KSR1: variants seen among roughly 807,000 people sequenced by gnomAD.
The protein encoded by KSR1 is kinase suppressor of ras.
In KSR1, 35 loss-of-function variants were observed where a neutral mutation model predicts 92.9. The ratio of observed to expected loss-of-function variants is 0.38; its 90% CI spans 0.29 to 0.50. The LOEUF (loss-of-function observed/expected upper bound fraction) is 0.50, where lower values mean the gene tolerates loss of function less well. Ranked by LOEUF, KSR1 falls within the 20% of genes least tolerant of loss-of-function variation. The probability of loss-of-function intolerance (pLI) is 0.94; values close to 1 mark genes in which losing one functional copy is unlikely to be tolerated. For synonymous variants in KSR1, 467 were observed against 472.6 expected (o/e 0.99, Z 0.15); for missense variants, 972 against 1,158.5 (o/e 0.84, Z 2.34).
At chr17:27,563,654 T>C (rs1247410951) in intron 2 of KSR1, among the ~76,000 whole-genome samples, 1 of 152,240 alleles carries the variant, frequency 6.6e-6, no homozygotes, top group Non-Finnish European at 1.5e-5. Context: ...GTATTCAGTA[T>C]CTGCCACCTT....
intron 11 of KSR1, chr17:27,602,107 C>T (rs1357005154): frequency 8.1e-6 from 5 of 620,776 alleles, no homozygotes; most frequent in Admixed American, 3.1e-5. Flanking sequence ...AAAACAAAGA[C>T]TGTAGCTGTT....
chr17:27,569,707 T>C (rs1274861628), intron 2 of KSR1, among the ~76,000 whole-genome samples: 1 of 152,234 alleles, frequency 6.6e-6, no homozygotes, highest in Non-Finnish European at 1.5e-5. Flanking sequence ...GCCACACCCA[T>C]TTGTGTACGT....
intron 1 of KSR1, among the ~76,000 whole-genome samples, chr17:27,513,108 C>T (rs1399183509): frequency 6.6e-6 from 1 of 152,168 alleles, no homozygotes; most frequent in Non-Finnish European, 1.5e-5. Context: ...GATAATCATG[C>T]TGTATATATT....
intron 1 of KSR1, among the ~76,000 whole-genome samples, chr17:27,510,178 A>G (rs986560774): frequency 1.3e-5 from 2 of 152,066 alleles, no homozygotes; most frequent in Admixed American, 6.5e-5. Flanking sequence ...TGGACTTCTG[A>G]TCCTTTCTTC....
At chr17:27,497,151 A>G (rs951734828) in intron 1 of KSR1, among the ~76,000 whole-genome samples, 3 of 152,198 alleles carry the variant, frequency 2.0e-5, no homozygotes, top group Admixed American at 6.5e-5. Context: ...TCTTTGCGAT[A>G]TGAGACAGCA....
chr17:27,549,243 G>A (rs76288847), intron 1 of KSR1, among the ~76,000 whole-genome samples: 2 of 152,316 alleles, frequency 1.3e-5, no homozygotes, highest in Non-Finnish European at 2.9e-5. Flanking sequence ...ATTTTGGGGG[G>A]ACACTTGGAA....
chr17:27,486,292 C>T (rs2068662773), intron 1 of KSR1, among the ~76,000 whole-genome samples: 1 of 152,182 alleles, frequency 6.6e-6, no homozygotes, highest in African/African-American at 2.4e-5. Context: ...GCTCCGGGTA[C>T]CCACCGTTGT....
intron 1 of KSR1, among the ~76,000 whole-genome samples, chr17:27,467,813 GTT>G (rs200085439): frequency 3.6e-5 from 5 of 139,382 alleles, no homozygotes; most frequent in Admixed American, 1.4e-4. Context: ...TTTATGTTTT[GTT>G]TTTTTTTTTT....
At chr17:27,566,351 C>A in intron 2 of KSR1, 1 of 397,894 alleles carries the variant, frequency 2.5e-6, no homozygotes, top group East Asian at 3.6e-5. Context: ...AGTGACTGTT[C>A]ACTACAGTCA....
At chr17:27,468,971 TC>T (rs2019840006) in intron 1 of KSR1, among the ~76,000 whole-genome samples, 1 of 152,158 alleles carries the variant, frequency 6.6e-6, no homozygotes, top group Admixed American at 6.5e-5. Flanking sequence ...TAGTGTCTCT[TC>T]CCTTCCTTTT....
chr17:27,555,509 G>GGTGT (rs1248634055), intron 2 of KSR1, among the ~76,000 whole-genome samples: 26 of 84,330 alleles, frequency 3.1e-4, no homozygotes, highest in East Asian at 2.7e-3. Flanking sequence ...AGTTTTGTTT[G>GGTGT]GCGTGTGTGT....
chr17:27,589,938 A>G (rs1348102588), intron 6 of KSR1, among the ~76,000 whole-genome samples: 1 of 152,216 alleles, frequency 6.6e-6, no homozygotes, highest in Non-Finnish European at 1.5e-5. Flanking sequence ...ATATGTATAT[A>G]TGTTTCCTCC....
At position 27,456,455 on chromosome 17, in the gene KSR1, C is replaced by T. The variant is rs2019161331; in HGVS notation, c.-189C>T. On this transcript the variant is annotated 5_prime_UTR_variant, in exon 1 of 21. Coordinates refer to ENST00000644974, the MANE Select transcript of KSR1 (RefSeq NM_001394583.1). ...GGGAGCCGCAGCCGTCGGGTCGCCG[C>T]GGCTTTCGCTTTGCTGCCGCGGCTG... 2 of 380,998 alleles carry T rather than the reference C, an allele frequency of 5.2e-6. No individual in the cohort carries two copies. Among genetic ancestry groups the T allele is most frequent in the Middle Eastern group, 6.9e-4 (1 of 1,440 alleles). 23.6% of individuals were successfully genotyped at this position (380,998 alleles called of 1,614,324 possible).
chr17:27,622,065 G>A (rs1324253726), intron 20 of KSR1: 9 of 843,840 alleles, frequency 1.1e-5, no homozygotes, highest in African/African-American at 3.3e-5. Context: ...TGCTCCAGTC[G>A]TCTCTCTCGA....
chr17:27,544,365 T>TTA (rs1172452000), intron 1 of KSR1, among the ~76,000 whole-genome samples: 1 of 152,196 alleles, frequency 6.6e-6, no homozygotes, highest in African/African-American at 2.4e-5. Context: ...GATACTCTTT[T>TTA]TATAGGTGGT....
chr17:27,598,597 C>G (rs2073430839), intron 10 of KSR1, among the ~76,000 whole-genome samples: 1 of 152,224 alleles, frequency 6.6e-6, no homozygotes, highest in Non-Finnish European at 1.5e-5. Context: ...TTTGATTAAC[C>G]TCCTCTCCCA....
intron 20 of KSR1, chr17:27,622,891 A>G (rs774679105): frequency 2.1e-5 from 4 of 190,070 alleles, no homozygotes; most frequent in Non-Finnish European, 4.3e-5. Flanking sequence ...CCTGCTTCCC[A>G]GGTGGCCCTG....
At chr17:27,597,549 GT>G in intron 10 of KSR1, 113 bp downstream of exon 10, 1 of 1,140,334 alleles carries the variant, frequency 8.8e-7, no homozygotes, top group Non-Finnish European at 1.2e-6. Context: ...AAGAGCTGAT[GT>G]TTATGAAGTA....
At chr17:27,582,122 C>T (rs957957048) in intron 3 of KSR1, among the ~76,000 whole-genome samples, 1 of 152,138 alleles carries the variant, frequency 6.6e-6, no homozygotes, top group African/African-American at 2.4e-5. Flanking sequence ...TGGATTGCTC[C>T]CCCAAGACCT....
Sources: allele counts gnomAD v4.1 joint callset (sites outside exome capture counted in the v4.1 genomes callset), GRCh38; gene constraint gnomAD v4.1.1; transcripts MANE v1.5; gene names NCBI Gene and HGNC (gene_info 2026-07-23, HGNC 2026-07-21).